Variants in SERGEF observed in about 807,000 individuals in gnomAD.
SERGEF encodes secretion regulating guanine nucleotide exchange factor.
In SERGEF, 51 loss-of-function variants were observed where a neutral mutation model predicts 50.0. The ratio of observed to expected loss-of-function variants is 1.02; its 90% CI spans 0.81 to 1.29. The LOEUF is 1.29. Ranked by LOEUF, SERGEF falls within the 50% of genes most tolerant of loss-of-function variation. SERGEF has a pLI of 0.00. For missense variants in SERGEF, 521 were observed against 557.0 expected (o/e 0.94, Z 0.65); for synonymous variants, 205 against 212.4 (o/e 0.97, Z 0.30).
chr11:17,865,491 T>C (rs1050148503), intron 10 of SERGEF, among the ~76,000 whole-genome samples: 11 of 152,264 alleles, frequency 7.2e-5, no homozygotes, highest in African/African-American at 2.4e-4. Flanking sequence ...GATGGCTCCA[T>C]ACATGCCTCT....
chr11:17,879,911 C>A (rs746905338), intron 9 of SERGEF, among the ~76,000 whole-genome samples: 46 of 152,304 alleles, frequency 3.0e-4, no homozygotes, highest in Middle Eastern at 3.4e-3. Flanking sequence ...TCTCTTAATT[C>A]TCCCACAAGT....
At chr11:17,829,772 C>A (rs543516816) in intron 10 of SERGEF, among the ~76,000 whole-genome samples, 16 of 152,308 alleles carry the variant, frequency 1.1e-4, no homozygotes, top group African/African-American at 3.8e-4. Context: ...ACAATGTAAA[C>A]TACCCTGATC....
Position 17,995,133 on chromosome 11 carries a change from G to T in SERGEF, c.622+663C>A, listed in dbSNP as rs111748309. Among the ~76,000 whole-genome samples, 1,066 of 152,268 alleles carry T rather than the reference G, an allele frequency of 7.0e-3. 17 individuals carry two copies. Among genetic ancestry groups the T allele is most frequent in the African/African-American group, 0.024 (991 of 41,554 alleles). On this transcript the variant is annotated intron_variant, in intron 6 of 10. Coordinates refer to ENST00000265965, the MANE Select transcript of SERGEF (RefSeq NM_012139.4). ...GAGAGAGAGACAGGGGAAGAAGGGT[G>T]GGGGGAAGAAAAGGAAGGAGAAAAT...
chr11:17,954,681 T>G (rs1031123411), intron 9 of SERGEF, among the ~76,000 whole-genome samples: 6 of 152,244 alleles, frequency 3.9e-5, no homozygotes, highest in African/African-American at 1.4e-4. Flanking sequence ...CCTGCTCCAA[T>G]GGCACTGTAT....
At chr11:17,999,912 T>C (rs1853923518) in intron 5 of SERGEF, among the ~76,000 whole-genome samples, 1 of 152,214 alleles carries the variant, frequency 6.6e-6, no homozygotes, top group Non-Finnish European at 1.5e-5. Context: ...TCGCATCACT[T>C]CCTGGTTGTG....
intron 10 of SERGEF, among the ~76,000 whole-genome samples, chr11:17,833,042 T>G (rs1319059199): frequency 1.3e-5 from 2 of 152,178 alleles, no homozygotes; most frequent in Non-Finnish European, 2.9e-5. Flanking sequence ...GAAATTTGCA[T>G]AAGTAACGAG....
At chr11:17,847,353 G>T (rs140688939) in intron 10 of SERGEF, among the ~76,000 whole-genome samples, 1,912 of 152,258 alleles carry the variant, frequency 0.013, 31 homozygotes, top group Middle Eastern at 0.078. Context: ...TTATTTGGGG[G>T]GAAGGGGGAC....
chr11:17,831,391 C>A (rs1411295647), intron 10 of SERGEF, among the ~76,000 whole-genome samples: 1 of 152,162 alleles, frequency 6.6e-6, no homozygotes, highest in African/African-American at 2.4e-5. Flanking sequence ...GGTTTCAAAC[C>A]TAGAGTCACA....
intron 10 of SERGEF, among the ~76,000 whole-genome samples, chr11:17,807,386 G>T (rs1849781171): frequency 6.6e-6 from 1 of 152,118 alleles, no homozygotes. Flanking sequence ...ACCCATTAAT[G>T]GACAAGCAAC....
intron 9 of SERGEF, among the ~76,000 whole-genome samples, chr11:17,911,380 A>T (rs916009429): frequency 6.8e-6 from 1 of 147,314 alleles, no homozygotes; most frequent in African/African-American, 2.5e-5. Context: ...ATATATATAA[A>T]ATATATATAC....
At chr11:17,922,763 A>C (rs1852182537) in intron 9 of SERGEF, among the ~76,000 whole-genome samples, 1 of 152,200 alleles carries the variant, frequency 6.6e-6, no homozygotes, top group Non-Finnish European at 1.5e-5. Flanking sequence ...ATGTAGATTC[A>C]TGGGGTTTCT....
At chr11:17,790,911 G>A (rs1849474545) in intron 10 of SERGEF, among the ~76,000 whole-genome samples, 1 of 152,148 alleles carries the variant, frequency 6.6e-6, no homozygotes, top group Non-Finnish European at 1.5e-5. Flanking sequence ...TGCCTCTTCT[G>A]TGAATTGTCT....
At chr11:17,957,661 G>A (rs1342166744) in intron 9 of SERGEF, among the ~76,000 whole-genome samples, 5 of 151,794 alleles carry the variant, frequency 3.3e-5, no homozygotes, top group East Asian at 1.9e-4. Context: ...AAGATGCTCC[G>A]GACCTTTGCC....
chr11:17,981,532 ACT>A (rs1265877988), intron 8 of SERGEF, among the ~76,000 whole-genome samples: 1 of 151,714 alleles, frequency 6.6e-6, no homozygotes, highest in Admixed American at 6.6e-5. Context: ...CGAATTAGGG[ACT>A]CTTGTGTGAA....
intron 10 of SERGEF, among the ~76,000 whole-genome samples, chr11:17,807,908 C>A (rs1169042718): frequency 6.6e-6 from 1 of 152,236 alleles, no homozygotes; most frequent in African/African-American, 2.4e-5. Flanking sequence ...AAGACCAGAA[C>A]AAGGTGTTTC....
chr11:17,881,799 C>T (rs760362950), intron 9 of SERGEF, among the ~76,000 whole-genome samples: 4 of 152,170 alleles, frequency 2.6e-5, no homozygotes, highest in African/African-American at 4.8e-5. Flanking sequence ...AATTTATCCC[C>T]TTACAGCCAT....
intron 10 of SERGEF, among the ~76,000 whole-genome samples, chr11:17,789,447 A>G (rs1849442390): frequency 6.6e-6 from 1 of 152,260 alleles, no homozygotes; most frequent in South Asian, 2.1e-4. Context: ...AAATTCATAC[A>G]GCCAGAAAGT....
chr11:17,862,600 C>T lies in SERGEF; in HGVS notation c.1048+15608G>A, dbSNP rs535772652. 4.5e-4 allele frequency among the ~76,000 whole-genome samples: 68 copies of T among 152,142 alleles called. 1 individual carries two copies. Among genetic ancestry groups the T allele is most frequent in the Non-Finnish European group, 7.9e-4 (54 of 68,016 alleles). Reference sequence around the variant, plus strand: ...CTACATTTAAGGGCTTTAGGTGCACCAAGGAGGAACAGAGGATTCCAGAGG... The same window carrying T: ...CTACATTTAAGGGCTTTAGGTGCACTAAGGAGGAACAGAGGATTCCAGAGG... On this transcript the variant is annotated intron_variant, in intron 10 of 10. Coordinates refer to ENST00000265965, the MANE Select transcript of SERGEF (RefSeq NM_012139.4).
intron 10 of SERGEF, among the ~76,000 whole-genome samples, chr11:17,826,496 T>A (rs551924835): frequency 6.6e-6 from 1 of 152,204 alleles, no homozygotes; most frequent in Non-Finnish European, 1.5e-5. Flanking sequence ...ATTTGGAGCA[T>A]GCTATTCAAA....
Sources: allele counts gnomAD v4.1 joint callset (sites outside exome capture counted in the v4.1 genomes callset), GRCh38; gene constraint gnomAD v4.1.1; transcripts MANE v1.5; gene names NCBI Gene and HGNC (gene_info 2026-07-23, HGNC 2026-07-21).